The following ASPH variants were observed in gnomAD, a reference collection of about 807,000 sequenced individuals.
ASPH encodes the protein aspartate beta-hydroxylase.
In ASPH, 100 loss-of-function variants were observed where a neutral mutation model predicts 118.4. The ratio of observed to expected loss-of-function variants is 0.84; its 90% CI spans 0.72 to 1.00. The LOEUF is 1.00. ASPH is among the 50% of genes least tolerant of loss of function. The pLI, the probability that ASPH is intolerant of heterozygous loss-of-function variation, is 0.00. For missense variants in ASPH, 920 were observed against 919.5 expected, an observed-to-expected ratio of 1.00 and a Z score of -0.01; for synonymous variants, 315 against 325.6, an observed-to-expected ratio of 0.97 and a Z score of 0.35.
At chr8:61,532,825 T>C (rs1818081348) in intron 21 of ASPH, among the ~76,000 whole-genome samples, 1 of 152,204 alleles carries the variant, frequency 6.6e-6, no homozygotes, top group African/African-American at 2.4e-5. Context: ...CTGTGTGATT[T>C]GGGGCAAATT....
chr8:61,607,364 C>T (rs1309443406), intron 14 of ASPH: 4 of 681,020 alleles, frequency 5.9e-6, no homozygotes, highest in South Asian at 4.7e-5. Context: ...ATTCTTTCTC[C>T]TACTCCGTTC....
chr8:61,537,533 C>T (rs978325168), intron 21 of ASPH, among the ~76,000 whole-genome samples: 4 of 152,052 alleles, frequency 2.6e-5, no homozygotes, highest in Admixed American at 2.0e-4. Context: ...CCATGCCTGG[C>T]TAATTTATTA....
intron 18 of ASPH, among the ~76,000 whole-genome samples, chr8:61,558,185 A>AT (rs1449933751): frequency 1.3e-5 from 2 of 152,216 alleles, no homozygotes; most frequent in Admixed American, 1.3e-4. Flanking sequence ...GGCACGAAGC[A>AT]TGCAGGGGTT....
At chr8:61,692,108 G>A (rs1832788106) in intron 1 of ASPH, among the ~76,000 whole-genome samples, 1 of 152,112 alleles carries the variant, frequency 6.6e-6, no homozygotes, top group Non-Finnish European at 1.5e-5. Flanking sequence ...AAGTCCTCTA[G>A]TTAATCTTTT....
intron 5 of ASPH, among the ~76,000 whole-genome samples, chr8:61,647,792 T>G (rs771439904): frequency 3.9e-5 from 6 of 152,248 alleles, no homozygotes; most frequent in Non-Finnish European, 8.8e-5. Flanking sequence ...CTTCAAGTTA[T>G]GCAAAGATGC....
At chr8:61,697,542 G>A (rs1350417064) in intron 1 of ASPH, among the ~76,000 whole-genome samples, 1 of 152,210 alleles carries the variant, frequency 6.6e-6, no homozygotes. Flanking sequence ...ACAAGTAGTA[G>A]GTTGTCACCT....
At chr8:61,688,748 C>T (rs1831578070) in intron 1 of ASPH, among the ~76,000 whole-genome samples, 1 of 152,156 alleles carries the variant, frequency 6.6e-6, no homozygotes, top group East Asian at 1.9e-4. Context: ...TCAGATGCAA[C>T]AGCTGATTTT....
chr8:61,571,738 T>A (rs1436295954), intron 16 of ASPH, among the ~76,000 whole-genome samples: 1 of 152,184 alleles, frequency 6.6e-6, no homozygotes, highest in Admixed American at 6.5e-5. Flanking sequence ...TAAGGAAAAC[T>A]TCTAAGGTAT....
chr8:61,618,860 C>A, intron 14 of ASPH, 118 bp downstream of exon 14: 2 of 837,632 alleles, frequency 2.4e-6, no homozygotes, highest in African/African-American at 1.7e-5. Context: ...AATAACAAAC[C>A]CAGGAGCAAA....
chr8:61,534,495 G>A (rs2129644883), intron 21 of ASPH, among the ~76,000 whole-genome samples: 1 of 152,132 alleles, frequency 6.6e-6, no homozygotes, highest in South Asian at 2.1e-4. Context: ...AAAAGTATCA[G>A]CATATTTTAC....
intron 16 of ASPH, among the ~76,000 whole-genome samples, chr8:61,575,342 C>T (rs1834783900): frequency 6.6e-6 from 1 of 152,184 alleles, no homozygotes; most frequent in African/African-American, 2.4e-5. Flanking sequence ...TCAAATGTCA[C>T]CTCCTTGATG....
chr8:61,615,221 G>A (rs2134062665), intron 14 of ASPH, among the ~76,000 whole-genome samples: 1 of 152,148 alleles, frequency 6.6e-6, no homozygotes, highest in South Asian at 2.1e-4. Context: ...AAGCACACAT[G>A]CCCTGAGGAC....
At chr8:61,688,396 T>C (rs1315658127) in intron 1 of ASPH, among the ~76,000 whole-genome samples, 2 of 152,022 alleles carry the variant, frequency 1.3e-5, no homozygotes, top group East Asian at 3.9e-4. Flanking sequence ...AACACAGAAA[T>C]TACTATGGCA....
intron 10 of ASPH, among the ~76,000 whole-genome samples, chr8:61,642,071 G>A (rs1805385609): frequency 1.3e-5 from 2 of 152,212 alleles, no homozygotes; most frequent in Non-Finnish European, 2.9e-5. Context: ...AATAGTCTAT[G>A]CAATGCTTGG....
chr8:61,689,696 T>C lies in ASPH; in HGVS notation c.104-5508A>G, dbSNP rs748455198. The C allele has an allele frequency of 2.5e-6, 4 of 1,587,726 alleles. 1 individual carries two copies. The Middle Eastern group carries it at 6.6e-4, about 263-fold the overall frequency. The stretch of plus-strand genomic sequence containing the variant: ...ACCTTTATCTTCAGCCATTTTGATT[T>C]CTTCAATCCATGAATAATAAATGCT... On this transcript the variant is annotated intron_variant, in intron 1 of 24. Coordinates refer to ENST00000379454, the MANE Select transcript of ASPH (RefSeq NM_004318.4).
chr8:61,672,021 G>A (rs1259492817), intron 3 of ASPH, among the ~76,000 whole-genome samples: 1 of 152,186 alleles, frequency 6.6e-6, no homozygotes, highest in Admixed American at 6.5e-5. Context: ...GTGAGTCACT[G>A]TAAGCCTTCT....
At chr8:61,627,739 C>T (rs1014369775) in intron 13 of ASPH, among the ~76,000 whole-genome samples, 1 of 152,150 alleles carries the variant, frequency 6.6e-6, no homozygotes, top group African/African-American at 2.4e-5. Flanking sequence ...AAAAGTTCTA[C>T]TACAATTTTG....
intron 3 of ASPH, among the ~76,000 whole-genome samples, chr8:61,674,291 C>T (rs1824133284): frequency 6.6e-6 from 1 of 152,004 alleles, no homozygotes; most frequent in African/African-American, 2.4e-5. Flanking sequence ...AAGCAGAAGA[C>T]ACAATAAATA....
chr8:61,651,101 C>G lies in ASPH; in HGVS notation c.439G>C (p.Ala147Pro). The change falls in exon 5 of 25, where the codon GCA (alanine) becomes CCA (proline). Residue 147 changes from alanine (A) to proline (P), a missense_variant. Physicochemically the swap from Ala to Pro is conservative, Grantham distance 27 (BLOSUM62 -1). Coordinates refer to ENST00000379454, the MANE Select transcript of ASPH (RefSeq NM_004318.4). ...AGAAGGGACTGAATTTGTTCTTTTG[C>G]TTCATCTTCGATATTCTGGGGTTCT... ...EAEPQNIEDE[A>P]KEQIQSLLHE... The G allele has an allele frequency of 6.2e-7, 1 of 1,613,670 alleles. No homozygotes were observed. Among genetic ancestry groups the G allele is most frequent in the South Asian group, 1.1e-5 (1 of 91,062 alleles).
Sources: gnomAD v4.1 joint callset for allele counts (sites outside exome capture counted in the v4.1 genomes callset) on GRCh38, gnomAD v4.1.1 for gene constraint, MANE v1.5 for transcripts, NCBI Gene and HGNC (gene_info 2026-07-23, HGNC 2026-07-21) for gene names.